Variants in PSMC6 observed in about 807,000 individuals in gnomAD.
PSMC6 encodes 26S proteasome regulatory subunit 10B.
In PSMC6, 3 loss-of-function variants were observed where a neutral mutation model predicts 55.9. The ratio of observed to expected loss-of-function variants is 0.05; its 90% CI spans 0.02 to 0.14. PSMC6 has a LOEUF of 0.14. Ranked by LOEUF, PSMC6 falls within the 10% of genes least tolerant of loss-of-function variation. PSMC6 has a pLI of 1.00. For synonymous variants in PSMC6, 137 were observed against 155.9 expected (o/e 0.88, Z 0.90); for missense variants, 210 against 478.7 (o/e 0.44, Z 5.24).
At position 52,721,135 on chromosome 14, in the gene PSMC6, A is replaced by C; in HGVS notation, c.924A>C (p.Ala308=). 6 of 1,598,254 alleles carry C rather than the reference A, an allele frequency of 3.8e-6. No individual in the cohort carries two copies. Among genetic ancestry groups the C allele is most frequent in the Non-Finnish European group, 5.1e-6 (6 of 1,175,156 alleles). Residue 308 remains alanine, a synonymous_variant, in exon 12 of 14, where the codon GCA becomes GCC. Transcript: ENST00000445930. The part of the protein sequence containing the change: ...KIHIDLPNEQ[A]RLDILKIHAG... ...ATATTGATTTGCCAAATGAACAAGC[A>C]AGATTAGACATACTGAAAATCCATG... is the stretch of plus-strand genomic sequence containing the variant.
intron 12 of PSMC6, 58 bp downstream of exon 12, chr14:52,721,248 T>C (rs1326251263): frequency 3.7e-6 from 5 of 1,366,120 alleles, no homozygotes; most frequent in Admixed American, 2.4e-5. Context: ...AAAAATACTT[T>C]TAGAAATTAC....
chr14:52,711,703 G>GT (rs199666940), intron 6 of PSMC6, among the ~76,000 whole-genome samples, 179 bp downstream of exon 6: 37 of 151,490 alleles, frequency 2.4e-4, no homozygotes, highest in African/African-American at 6.3e-4. Flanking sequence ...GAAAATTACT[G>GT]TTTTTTTTTA....
chr14:52,708,420 ATGGTAATT>A (rs1319735991), intron 2 of PSMC6, 32 bp downstream of exon 2: 1 of 1,611,772 alleles, frequency 6.2e-7, no homozygotes, highest in Non-Finnish European at 8.5e-7. Flanking sequence ...ATAGGGGGTG[ATGGTAATT>A]TGCTTTTTTA....
Position 52,724,043 on chromosome 14 carries a change from G to T in PSMC6, c.1051+7G>T. 6.2e-7 allele frequency: 1 copy of T among 1,608,748 alleles called. No individual in the cohort carries two copies. The highest frequency in any genetic ancestry group is 8.5e-7 in the Non-Finnish European group (1 of 1,176,734). ...AATGTTTGTACTGAAGCAGGTAAGG[G>T]TTTAAAGTACAGTTTTACTATTGAT... On this transcript the variant is annotated splice_region_variant and intron_variant, in intron 13 of 13. Coordinates refer to ENST00000445930, the MANE Select transcript of PSMC6 (RefSeq NM_002806.5).
At chr14:52,726,951 A>C (rs1256018724) in intron 13 of PSMC6, among the ~76,000 whole-genome samples, 1 of 144,810 alleles carries the variant, frequency 6.9e-6, no homozygotes, top group Non-Finnish European at 1.5e-5. Context: ...CTTGAACCGG[A>C]TGTTAAATAT....
intron 7 of PSMC6, among the ~76,000 whole-genome samples, chr14:52,717,285 A>G (rs1221435722): frequency 6.6e-6 from 1 of 151,974 alleles, no homozygotes; most frequent in African/African-American, 2.4e-5. Context: ...AAAAATTATA[A>G]CATTTTGATT....
At position 52,724,014 on chromosome 14, in the gene PSMC6, G is replaced by C; in HGVS notation, c.1029G>C (p.Leu343=). The C allele has an allele frequency of 6.2e-7, 1 of 1,613,870 alleles. No homozygotes were observed. The highest frequency in any genetic ancestry group is 8.5e-7 in the Non-Finnish European group (1 of 1,179,830). The part of the protein sequence containing the change: ...KLSDGFNGAD[L]RNVCTEAGMF... The stretch of plus-strand genomic sequence containing the variant: ...CGGATGGCTTTAATGGAGCAGATCT[G>C]AGAAATGTTTGTACTGAAGCAGGTA... The change falls in exon 13 of 14, where the codon CTG becomes CTC. Residue 343 remains leucine (L), a synonymous_variant. Coordinates refer to ENST00000445930, the MANE Select transcript of PSMC6 (RefSeq NM_002806.5).
In PSMC6 at chr14:52,719,375, A is replaced by G. The variant is rs1383070330; in HGVS notation, c.777+337A>G. Among the ~76,000 whole-genome samples, 3 of 152,248 alleles carry G rather than the reference A, an allele frequency of 2.0e-5. No individual in the cohort carries two copies. In the South Asian group the frequency reaches 6.2e-4, roughly 31 times the overall value. ...AATGGTCATATTAAGACTGTTGGCA[A>G]TAAATGAGCTATAATTATGTATGAA... On this transcript the variant is annotated intron_variant, in intron 10 of 13. Coordinates refer to ENST00000445930, the MANE Select transcript of PSMC6 (RefSeq NM_002806.5).
chr14:52,717,004 G>C (rs911389428), intron 7 of PSMC6, among the ~76,000 whole-genome samples: 1 of 152,330 alleles, frequency 6.6e-6, no homozygotes, highest in South Asian at 2.1e-4. Context: ...GGGGATAGGG[G>C]AGATGTTGGT....
At chr14:52,715,823 C>G (rs2041824528) in intron 7 of PSMC6, among the ~76,000 whole-genome samples, 2 of 152,018 alleles carry the variant, frequency 1.3e-5, no homozygotes, top group South Asian at 4.2e-4. Context: ...TGCCATGTTG[C>G]CCAGGCTGGT....
At chr14:52,710,445 A>AT (rs1419705282) in intron 4 of PSMC6, 2 of 152,274 alleles carry the variant, frequency 1.3e-5, no homozygotes. Flanking sequence ...CAAAAAAAAA[A>AT]GTAACTTTAT....
chr14:52,720,802 G>A (rs965021821), intron 10 of PSMC6, 59 bp from the exon 11 acceptor site: 16 of 1,368,252 alleles, frequency 1.2e-5, no homozygotes, highest in Non-Finnish European at 1.5e-5. Flanking sequence ...TATAAAAGGT[G>A]TGTGCTATTT....
At chr14:52,723,769 G>C in intron 12 of PSMC6, 196 bp from the exon 13 acceptor site, 1 of 1,249,794 alleles carries the variant, frequency 8.0e-7, no homozygotes, top group Non-Finnish European at 1.0e-6. Context: ...TTTCAGGGGT[G>C]TGTCTAATTC....
At position 52,718,137 on chromosome 14, in the gene PSMC6, T is replaced by C; in HGVS notation, c.586T>C (p.Leu196=). Residue 196 remains leucine, a synonymous_variant, in exon 8 of 14, where the codon TTA becomes CTA. Transcript: ENST00000445930. Reference sequence around the variant, plus strand: ...TGCTAGCCAGCTGGACTGCAATTTCTTAAAGGTAAAGGGAAGATTATTTTG... The same window carrying C: ...TGCTAGCCAGCTGGACTGCAATTTCCTAAAGGTAAAGGGAAGATTATTTTG... The part of the protein sequence containing the change: ...AVASQLDCNF[L]KVVSSSIVDK... 6.2e-7 allele frequency: 1 copy of C among 1,613,550 alleles called. No individual in the cohort carries two copies. The highest frequency in any genetic ancestry group is 8.5e-7 in the Non-Finnish European group (1 of 1,179,614).
intron 7 of PSMC6, among the ~76,000 whole-genome samples, chr14:52,714,198 G>T (rs1189735333): frequency 6.6e-6 from 1 of 152,138 alleles, no homozygotes; most frequent in African/African-American, 2.4e-5. Flanking sequence ...GCATCACCAT[G>T]TCTGGTTAAT....
At chr14:52,726,409 T>C (rs1880413262) in intron 13 of PSMC6, among the ~76,000 whole-genome samples, 1 of 152,194 alleles carries the variant, frequency 6.6e-6, no homozygotes. Context: ...CGCTGTTGGC[T>C]TTCTATATGA....
chr14:52,724,160 G>C, intron 13 of PSMC6, 124 bp downstream of exon 13: 1 of 816,862 alleles, frequency 1.2e-6, no homozygotes, highest in East Asian at 2.7e-5. Context: ...TGTTCTTTTA[G>C]GAATCGATTC....
At position 52,708,463 on chromosome 14, in the gene PSMC6, C is replaced by T. The variant is rs750607450; in HGVS notation, c.166-20C>T. 16 of 1,613,576 alleles carry T rather than the reference C, an allele frequency of 9.9e-6. No homozygotes were observed. The highest frequency in any genetic ancestry group is 1.4e-5 in the Non-Finnish European group (16 of 1,179,840). On this transcript the variant is annotated intron_variant, in intron 2 of 13. Coordinates refer to ENST00000445930, the MANE Select transcript of PSMC6 (RefSeq NM_002806.5). ...ATTTAGCTGTTGCCAAAAAGTAATG[C>T]TTTTTATTTTCTTCCTTAGATCGTG... is the stretch of plus-strand genomic sequence containing the variant.
In PSMC6 at chr14:52,708,447, T is replaced by C. The variant is rs372995380; in HGVS notation, c.166-36T>C. 8.7e-6 allele frequency: 14 copies of C among 1,613,574 alleles called. No homozygotes were observed. The South Asian group carries it at 1.4e-4, about 16-fold the overall frequency. On this transcript the variant is annotated intron_variant, in intron 2 of 13. Transcript: ENST00000445930. ...GGTAATTTGCTTTTTTATTTAGCTG[T>C]TGCCAAAAAGTAATGCTTTTTATTT... is the stretch of plus-strand genomic sequence containing the variant.
Sources: allele counts gnomAD v4.1 joint callset (sites outside exome capture counted in the v4.1 genomes callset), GRCh38; gene constraint gnomAD v4.1.1; transcripts MANE v1.5; gene names NCBI Gene and HGNC (gene_info 2026-07-23, HGNC 2026-07-21).